DLG2: variants seen among roughly 807,000 people sequenced by gnomAD.
The protein encoded by DLG2 is disks large homolog 2.
DLG2 carries 45 observed loss-of-function variants against 132.5 expected under a neutral mutation model. That is an observed-to-expected ratio of 0.34 (90% CI 0.27 to 0.44). The LOEUF is 0.44. Among genes scored for constraint, DLG2 ranks in the 20% least tolerant of loss-of-function variants. DLG2 has a pLI of 1.00. For synonymous variants in DLG2, 424 were observed against 419.6 expected (o/e 1.01, Z -0.13); for missense variants, 1,045 against 1,196.9 (o/e 0.87, Z 1.87).
At chr11:84,236,266 T>C (rs777385464) in intron 8 of DLG2, among the ~76,000 whole-genome samples, 12 of 152,222 alleles carry the variant, frequency 7.9e-5, no homozygotes, top group Non-Finnish European at 1.6e-4. Context: ...CTTTTGGCCA[T>C]TGTCCTTCTT....
At chr11:84,396,335 C>T (rs765032049) in intron 7 of DLG2, among the ~76,000 whole-genome samples, 11 of 152,068 alleles carry the variant, frequency 7.2e-5, no homozygotes, top group Non-Finnish European at 1.5e-4. Flanking sequence ...GAGACGTTAC[C>T]AGCAAAAGTC....
intron 5 of DLG2, among the ~76,000 whole-genome samples, chr11:85,140,196 T>C (rs1214665776): frequency 2.0e-5 from 3 of 151,936 alleles, no homozygotes; most frequent in Admixed American, 2.0e-4. Flanking sequence ...AATTGCTGGG[T>C]CATACAGTGT....
chr11:84,635,341 T>C (rs913632654), intron 6 of DLG2, among the ~76,000 whole-genome samples: 2 of 152,130 alleles, frequency 1.3e-5, no homozygotes, highest in African/African-American at 4.8e-5. Flanking sequence ...CCATTACCAC[T>C]CTTGGCTTTT....
chr11:85,565,642 A>G (rs1033625908), intron 3 of DLG2, among the ~76,000 whole-genome samples: 6 of 152,092 alleles, frequency 3.9e-5, no homozygotes, highest in African/African-American at 9.7e-5. Context: ...TTCACTTAGC[A>G]TAATGTTTTC....
intron 4 of DLG2, among the ~76,000 whole-genome samples, chr11:85,279,276 G>A (rs1306143453): frequency 6.6e-6 from 1 of 151,976 alleles, no homozygotes; most frequent in Admixed American, 6.6e-5. Flanking sequence ...TGTGTGCAAA[G>A]GTAGGTGGCA....
At chr11:83,467,810 T>TATATATATACACAC (rs1414160515) in intron 25 of DLG2, among the ~76,000 whole-genome samples, 28 of 96,286 alleles carry the variant, frequency 2.9e-4, no homozygotes, top group Non-Finnish European at 4.9e-4. Flanking sequence ...TATATATATA[T>TATATATATACACAC]ACACACACAC....
rs999765023 is a variant in DLG2, at chr11:84,518,574, G to A, written c.519+15996C>T. 5.3e-5 allele frequency among the ~76,000 whole-genome samples: 8 copies of A among 151,986 alleles called. 1 individual carries two copies. Among genetic ancestry groups the A allele is most frequent in the African/African-American group, 1.2e-4 (5 of 41,398 alleles). The stretch of plus-strand genomic sequence containing the variant: ...AGATCTCACAACTGAAGTATGATGC[G>A]TGCCTCGGAAGCTCTCAAAACTGTC... On this transcript the variant is annotated intron_variant, in intron 7 of 27. Coordinates refer to ENST00000376104, the MANE Select transcript of DLG2 (RefSeq NM_001142699.3).
chr11:83,623,624 T>C (rs571479166), intron 19 of DLG2, among the ~76,000 whole-genome samples: 1 of 152,328 alleles, frequency 6.6e-6, no homozygotes, highest in Non-Finnish European at 1.5e-5. Context: ...CCAGCAATCA[T>C]TGGTGGCTCT....
At chr11:84,955,843 T>C (rs1330738529) in intron 6 of DLG2, 1 of 152,208 alleles carries the variant, frequency 6.6e-6, no homozygotes, top group Non-Finnish European at 1.5e-5. Flanking sequence ...AACTTACAAA[T>C]GGGTACATTA....
At chr11:84,187,323 G>T (rs745712477) in intron 8 of DLG2, among the ~76,000 whole-genome samples, 1 of 151,822 alleles carries the variant, frequency 6.6e-6, no homozygotes, top group Non-Finnish European at 1.5e-5. Flanking sequence ...AATAAAATGT[G>T]GTTTCTACTT....
intron 7 of DLG2, among the ~76,000 whole-genome samples, chr11:84,417,852 T>C (rs2098935160): frequency 6.6e-6 from 1 of 152,196 alleles, no homozygotes; most frequent in South Asian, 2.1e-4. Flanking sequence ...TGGATGAAAC[T>C]TATAAAACTG....
chr11:85,439,892 T>C (rs1353095154), intron 3 of DLG2, among the ~76,000 whole-genome samples: 3 of 152,140 alleles, frequency 2.0e-5, no homozygotes, highest in Non-Finnish European at 4.4e-5. Flanking sequence ...GAAGAGAATA[T>C]AAAGTATAGA....
At chr11:84,435,217 T>C (rs934503629) in intron 7 of DLG2, among the ~76,000 whole-genome samples, 6 of 152,194 alleles carry the variant, frequency 3.9e-5, no homozygotes, top group African/African-American at 1.4e-4. Context: ...GCTTGTTGTA[T>C]TATTTGTTAA....
rs1255026538 is a variant in DLG2 at position 83,588,698 on chromosome 11, C to T, written c.1940+44513G>A. On this transcript the variant is annotated intron_variant, in intron 19 of 27. Coordinates refer to ENST00000376104, the MANE Select transcript of DLG2 (RefSeq NM_001142699.3). ...CAGACGATCAAATTACTCTGAGCTA[C>T]GGGAGGACATTCAAACCAAATGCAA... 4.8e-4 allele frequency among the ~76,000 whole-genome samples: 72 copies of T among 151,218 alleles called. No individual in the cohort carries two copies. The South Asian group carries it at 0.013, about 27-fold the overall frequency.
At chr11:85,141,760 T>A (rs2076495103) in intron 5 of DLG2, among the ~76,000 whole-genome samples, 1 of 151,858 alleles carries the variant, frequency 6.6e-6, no homozygotes, top group South Asian at 2.1e-4. Context: ...TGTAGTTTCA[T>A]TTTTCTGCAC....
intron 3 of DLG2, among the ~76,000 whole-genome samples, chr11:85,430,787 A>G (rs2091123792): frequency 6.6e-6 from 1 of 151,796 alleles, no homozygotes; most frequent in African/African-American, 2.4e-5. Context: ...ACAACACTCA[A>G]TCAGGAAAAC....
intron 4 of DLG2, among the ~76,000 whole-genome samples, chr11:85,222,895 A>G (rs1024641122): frequency 6.6e-6 from 1 of 152,120 alleles, no homozygotes; most frequent in Non-Finnish European, 1.5e-5. Flanking sequence ...ATAAGCAGAC[A>G]CTACCTTTAT....
chr11:84,583,430 A>C (rs2099521392), intron 6 of DLG2, among the ~76,000 whole-genome samples: 1 of 152,230 alleles, frequency 6.6e-6, no homozygotes, highest in East Asian at 1.9e-4. Context: ...AACTCCAGTG[A>C]AATGAAGAGA....
chr11:83,512,706 T>C (rs1198697182), intron 21 of DLG2, among the ~76,000 whole-genome samples: 6 of 148,992 alleles, frequency 4.0e-5, no homozygotes, highest in Admixed American at 2.0e-4. Context: ...CAACAGGCCC[T>C]GGTGTGTGAT....
Sources: allele counts gnomAD v4.1 joint callset (sites outside exome capture counted in the v4.1 genomes callset), GRCh38; gene constraint gnomAD v4.1.1; transcripts MANE v1.5; gene names NCBI Gene and HGNC (gene_info 2026-07-23, HGNC 2026-07-21).